Variants in ZNF723 observed in about 807,000 individuals in gnomAD.
ZNF723 encodes the protein zinc finger protein 723.
ZNF723 carries 5 observed loss-of-function variants against 9.4 expected under a neutral mutation model. The observed-to-expected ratio is 0.53, with a 90% confidence interval of 0.28 to 1.12. The LOEUF (loss-of-function observed/expected upper bound fraction) is 1.12. Among genes scored for constraint, ZNF723 ranks in the 50% most tolerant of loss-of-function variants. The pLI is 0.10. For missense variants in ZNF723, 450 were observed against 501.5 expected (o/e 0.90, Z 0.98); for synonymous variants, 158 against 168.8 (o/e 0.94, Z 0.49).
At chr19:22,856,260 G>T (rs1380881886) in intron 3 of ZNF723, among the ~76,000 whole-genome samples, 1 of 152,054 alleles carries the variant, frequency 6.6e-6, no homozygotes, top group African/African-American at 2.4e-5. Flanking sequence ...TGCCTGGCCA[G>T]AATTTTTTAG....
chr19:22,821,033 C>A, the ZNF723 span, among the ~76,000 whole-genome samples: 2 of 152,180 alleles, frequency 1.3e-5, no homozygotes, highest in African/African-American at 4.8e-5. Flanking sequence ...CAGGATTCAG[C>A]ACAGCTGTGA....
intron 1 of ZNF723, among the ~76,000 whole-genome samples, chr19:22,833,204 G>A (rs1318352001): frequency 6.6e-6 from 1 of 151,872 alleles, no homozygotes; most frequent in East Asian, 1.9e-4. Flanking sequence ...CTAGACTGGA[G>A]TACCGTGGCG....
At chr19:22,822,621 G>T in the ZNF723 span, among the ~76,000 whole-genome samples, 53,384 of 151,850 alleles carry the variant, frequency 0.35, 9,527 homozygotes, top group African/African-American at 0.43. Context: ...CCATCAGTTT[G>T]GGAGGCCGAG....
chr19:22,833,580 C>G (rs1967125574), intron 1 of ZNF723, among the ~76,000 whole-genome samples: 1 of 152,054 alleles, frequency 6.6e-6, no homozygotes, highest in Admixed American at 6.6e-5. Context: ...ATTCCAAACG[C>G]TAACTTTTCC....
chr19:22,818,049 G>T, the ZNF723 span, among the ~76,000 whole-genome samples: 1 of 152,156 alleles, frequency 6.6e-6, no homozygotes, highest in African/African-American at 2.4e-5. Flanking sequence ...CAGTTGAGAT[G>T]GTTATTCATT....
the ZNF723 span, among the ~76,000 whole-genome samples, chr19:22,825,291 G>A: frequency 6.4e-3 from 967 of 152,268 alleles, 5 homozygotes; most frequent in Non-Finnish European, 0.011. Flanking sequence ...TCACAGATCC[G>A]ATATATCATT....
At chr19:22,841,998 A>G (rs1429071179) in intron 1 of ZNF723, among the ~76,000 whole-genome samples, 2 of 148,732 alleles carry the variant, frequency 1.3e-5, no homozygotes, top group Non-Finnish European at 3.0e-5. Context: ...CCTTTGAACT[A>G]TGTTTTGTTG....
At chr19:22,845,859 A>G (rs1308294420) in intron 1 of ZNF723, among the ~76,000 whole-genome samples, 1 of 149,896 alleles carries the variant, frequency 6.7e-6, no homozygotes, top group East Asian at 2.0e-4. Flanking sequence ...AAGGAATCCC[A>G]GAGAAGGAGG....
At chr19:22,831,244 T>A (rs1397633170), upstream of ZNF723, among the ~76,000 whole-genome samples, 1 of 152,188 alleles carries the variant, frequency 6.6e-6, no homozygotes, top group Non-Finnish European at 1.5e-5. Context: ...TGGTCTTGAA[T>A]ACTACCTTTT....
chr19:22,830,409 T>C (rs1441956585), upstream of ZNF723, among the ~76,000 whole-genome samples: 1 of 152,166 alleles, frequency 6.6e-6, no homozygotes, highest in Non-Finnish European at 1.5e-5. Flanking sequence ...CCCAAGTGAT[T>C]CTTTCAACTC....
At chr19:22,828,375 C>T (rs993118267), upstream of ZNF723, among the ~76,000 whole-genome samples, 4 of 152,126 alleles carry the variant, frequency 2.6e-5, no homozygotes, top group African/African-American at 4.8e-5. Context: ...ACAAAGTTGG[C>T]GGGGGGTGGT....
upstream of ZNF723, among the ~76,000 whole-genome samples, chr19:22,830,043 T>C (rs906851260): frequency 2.0e-5 from 2 of 98,402 alleles, no homozygotes; most frequent in Non-Finnish European, 4.0e-5. Context: ...TCTCTAAAGT[T>C]TTTTTTTTCT....
At chr19:22,845,043 C>T (rs1967291119) in intron 1 of ZNF723, among the ~76,000 whole-genome samples, 2 of 152,082 alleles carry the variant, frequency 1.3e-5, no homozygotes, top group South Asian at 2.1e-4. Context: ...GGCATGAACC[C>T]GGGAGGCGGA....
At chr19:22,817,014 G>T in the ZNF723 span, among the ~76,000 whole-genome samples, 1 of 152,252 alleles carries the variant, frequency 6.6e-6, no homozygotes, top group Non-Finnish European at 1.5e-5. Flanking sequence ...GCCCAATGAG[G>T]AATTGTGAAG....
chr19:22,826,489 T>C, the ZNF723 span, among the ~76,000 whole-genome samples: 6 of 152,202 alleles, frequency 3.9e-5, no homozygotes, highest in East Asian at 1.2e-3. Context: ...CAGAGAGTAT[T>C]ATAACAGGGC....
At chr19:22,856,813 C>A (rs1967486205) in intron 3 of ZNF723, among the ~76,000 whole-genome samples, 1 of 152,184 alleles carries the variant, frequency 6.6e-6, no homozygotes, top group South Asian at 2.1e-4. Context: ...TTACAATTTA[C>A]TTGTAAAGGC....
At chr19:22,838,189 A>G (rs1323959522) in intron 1 of ZNF723, among the ~76,000 whole-genome samples, 3 of 152,106 alleles carry the variant, frequency 2.0e-5, no homozygotes, top group East Asian at 3.9e-4. Context: ...CTCCACCCCC[A>G]GGTAGGCCTC....
upstream of ZNF723, among the ~76,000 whole-genome samples, chr19:22,829,536 C>T (rs550609053): frequency 7.2e-4 from 109 of 152,260 alleles, no homozygotes; most frequent in African/African-American, 2.6e-3. Context: ...CTGTCTGCCT[C>T]GGCCTTCCAA....
chr19:22,833,932 T>TTC (rs1967130830), intron 1 of ZNF723, among the ~76,000 whole-genome samples: 1 of 141,266 alleles, frequency 7.1e-6, no homozygotes, highest in Non-Finnish European at 1.5e-5. Context: ...CGTACTTTTT[T>TTC]TTTTTTTTTT....
Sources: allele counts gnomAD v4.1 joint callset (sites outside exome capture counted in the v4.1 genomes callset), GRCh38; gene constraint gnomAD v4.1.1; transcripts MANE v1.5; gene names NCBI Gene and HGNC (gene_info 2026-07-23, HGNC 2026-07-21).